Variants in ADA2 observed in about 807,000 individuals in gnomAD.
ADA2 encodes adenosine deaminase 2.
In ADA2, 29 loss-of-function variants were observed where a neutral mutation model predicts 44.2. That is an observed-to-expected ratio of 0.66 (90% CI 0.49 to 0.89). The LOEUF is 0.89. Among genes scored for constraint, ADA2 ranks in the 40% least tolerant of loss-of-function variants. The pLI, the probability that ADA2 is intolerant of heterozygous loss-of-function variation, is 0.00. For synonymous variants in ADA2, 215 were observed against 234.9 expected (o/e 0.92, Z 0.77); for missense variants, 637 against 644.8 (o/e 0.99, Z 0.13).
chr22:17,211,545 T>C (rs2062418201), intron 1 of ADA2, among the ~76,000 whole-genome samples: 1 of 149,402 alleles, frequency 6.7e-6, no homozygotes, highest in Admixed American at 6.7e-5. Flanking sequence ...AGGTGGGAAG[T>C]TCACCTGAGC....
In ADA2 at chr22:17,181,814, A is replaced by G. The variant is rs369050563; in HGVS notation, c.1442+6T>C. ...CGGGGGACCTGGGAGGACACAGGAC[A>G]CTCACTTGATAGAGTTCATGGCCAG... On this transcript the variant is annotated splice_donor_region_variant and intron_variant, in intron 9 of 9. Coordinates refer to ENST00000399837, the MANE Select transcript of ADA2 (RefSeq NM_001282225.2). The G allele has an allele frequency of 7.3e-5, 117 of 1,611,678 alleles. No homozygotes were observed. Among genetic ancestry groups the G allele is most frequent in the Non-Finnish European group, 5.3e-5 (63 of 1,178,778 alleles).
intron 1 of ADA2, 68 bp from the exon 2 acceptor site, chr22:17,209,791 G>A (rs867797046): frequency 1.0e-5 from 8 of 802,464 alleles, no homozygotes; most frequent in Admixed American, 2.8e-5. Context: ...TCCTTTTCTC[G>A]CCCTGCTCTC....
chr22:17,202,976 A>G (rs2062308885), intron 4 of ADA2, among the ~76,000 whole-genome samples: 1 of 151,612 alleles, frequency 6.6e-6, no homozygotes. Context: ...GTGTTTCACC[A>G]TATTGGCCAG....
chr22:17,212,008 T>A (rs1568990437), intron 1 of ADA2, among the ~76,000 whole-genome samples: 1 of 151,712 alleles, frequency 6.6e-6, no homozygotes, highest in East Asian at 1.9e-4. Context: ...ACAACCTATT[T>A]TTTTCTTTTC....
At chr22:17,192,336 G>C (rs976538574) in intron 4 of ADA2, among the ~76,000 whole-genome samples, 2 of 152,128 alleles carry the variant, frequency 1.3e-5, no homozygotes, top group South Asian at 4.1e-4. Flanking sequence ...AGCAGGTCAC[G>C]GGGGGAGAGG....
Position 17,187,901 on chromosome 22 carries a change from A to G in ADA2, c.1081+438T>C, listed in dbSNP as rs181863707. Reference sequence around the variant, plus strand: ...GGGCAGATCATGAGGTCAGGAGATCAAGACCATCCTGGCTAACACGGTGAA... The same window carrying G: ...GGGCAGATCATGAGGTCAGGAGATCGAGACCATCCTGGCTAACACGGTGAA... On this transcript the variant is annotated intron_variant, in intron 7 of 9. Transcript: ENST00000399837. Among the ~76,000 whole-genome samples the G allele has an allele frequency of 3.0e-3, 455 of 151,626 alleles. 1 individual carries two copies. Among genetic ancestry groups the G allele is most frequent in the Non-Finnish European group, 5.3e-3 (359 of 67,836 alleles).
chr22:17,178,933 C>T lies in ADA2; in HGVS notation c.*2550G>A, dbSNP rs937579687. ...AGGGATTGGGTAAGGCACTGAATCA[C>T]CTGCAGAGTTAGACAGGACCCTAGA... On this transcript the variant is annotated 3_prime_UTR_variant, in exon 10 of 10. Transcript: ENST00000399837. 2 of 152,102 alleles carry T rather than the reference C, an allele frequency of 1.3e-5. No individual in the cohort carries two copies. Among genetic ancestry groups the T allele is most frequent in the Non-Finnish European group, 2.9e-5 (2 of 68,064 alleles). 9.4% of individuals were successfully genotyped at this position (152,102 alleles called of 1,614,324 possible). A position where few individuals can be genotyped will look rare whatever the true frequency, so the allele number is the denominator to read the frequency against.
intron 1 of ADA2, among the ~76,000 whole-genome samples, chr22:17,216,118 C>T (rs865939958): frequency 6.6e-6 from 1 of 151,960 alleles, no homozygotes; most frequent in Non-Finnish European, 1.5e-5. Flanking sequence ...ACCTGAGAGG[C>T]GGAGGTTGCA....
At chr22:17,205,448 G>C (rs2123704931) in intron 3 of ADA2, among the ~76,000 whole-genome samples, 1 of 152,248 alleles carries the variant, frequency 6.6e-6, no homozygotes, top group African/African-American at 2.4e-5. Context: ...AAGCTCCCCA[G>C]CCTGTGGTAT....
At position 17,178,838 on chromosome 22, in the gene ADA2, C is replaced by T. The variant is rs538568345; in HGVS notation, c.*2645G>A. Reference sequence around the variant, plus strand: ...TGCCAAATCAGAGATCACAGCAAGTCCAGGCCAGAGGCTGTTTGCGTCTGC... The same window carrying T: ...TGCCAAATCAGAGATCACAGCAAGTTCAGGCCAGAGGCTGTTTGCGTCTGC... On this transcript the variant is annotated 3_prime_UTR_variant, in exon 10 of 10. Transcript: ENST00000399837. 6.6e-6 allele frequency: 1 copy of T among 151,994 alleles called. No homozygotes were observed. Among genetic ancestry groups the T allele is most frequent in the East Asian group, 1.9e-4 (1 of 5,176 alleles). 9.4% of individuals were successfully genotyped at this position (151,994 alleles called of 1,614,324 possible). A position where few individuals can be genotyped will look rare whatever the true frequency, so the allele number is the denominator to read the frequency against.
chr22:17,203,399 C>G (rs2062314121), intron 4 of ADA2, among the ~76,000 whole-genome samples, 164 bp downstream of exon 4: 1 of 152,108 alleles, frequency 6.6e-6, no homozygotes, highest in African/African-American at 2.4e-5. Flanking sequence ...CTGCCCAGTC[C>G]ATTTCAGGTT....
chr22:17,191,291 TCACACACAACCA>T (rs1427155993), intron 5 of ADA2, among the ~76,000 whole-genome samples: 1 of 152,160 alleles, frequency 6.6e-6, no homozygotes, highest in Non-Finnish European at 1.5e-5. Flanking sequence ...GATCAAGGAC[TCACACACAACCA>T]CACACAGAAC....
intron 4 of ADA2, among the ~76,000 whole-genome samples, chr22:17,201,165 T>A (rs1255037584): frequency 8.0e-5 from 12 of 149,800 alleles, no homozygotes; most frequent in Non-Finnish European, 1.8e-4. Context: ...GGCAAGATCA[T>A]ACCACTACAC....
intron 4 of ADA2, among the ~76,000 whole-genome samples, chr22:17,194,441 C>A (rs1334599851): frequency 1.3e-5 from 2 of 152,168 alleles, no homozygotes; most frequent in Non-Finnish European, 2.9e-5. Flanking sequence ...TCCCTCAGAT[C>A]CCCGCATTCC....
At chr22:17,199,450 C>CCCCACCTCTATCCTCTTCCCCTCCAA in intron 4 of ADA2, 1 of 462,232 alleles carries the variant, frequency 2.2e-6, no homozygotes. Context: ...TTCCCCTCCA[C>CCCCACCTCTATCCTCTTCCCCTCCAA]CCACGAAGAT....
chr22:17,191,939 T>G (rs1334135375), intron 4 of ADA2, 129 bp from the exon 5 acceptor site: 9 of 851,418 alleles, frequency 1.1e-5, no homozygotes, highest in African/African-American at 1.0e-4. Context: ...AGCCACCCCT[T>G]CCCAGCCACC....
intron 3 of ADA2, among the ~76,000 whole-genome samples, chr22:17,205,781 C>T (rs761509396): frequency 6.6e-6 from 1 of 152,120 alleles, no homozygotes; most frequent in Non-Finnish European, 1.5e-5. Context: ...GAGTTCAAGA[C>T]CAGCCTGGGC....
intron 4 of ADA2, among the ~76,000 whole-genome samples, chr22:17,201,143 A>T: frequency 6.6e-6 from 1 of 151,676 alleles, no homozygotes; most frequent in East Asian, 1.9e-4. Flanking sequence ...TGGGAGGTGG[A>T]GGTTGCAGTG....
Position 17,209,445 on chromosome 22 carries a change from A to G in ADA2, c.233T>C (p.Leu78Pro). ...IAEMKEAMRT[L>P]IFPPSMHFFQ... ...AAAGTGCATGCTGGGTGGGAATATC[A>G]GGGTCCTCATGGCCTCCTTCATCTC... Residue 78 changes from leucine to proline, a missense_variant, in exon 2 of 10, where the codon CTG becomes CCG. Transcript: ENST00000399837. The G allele has an allele frequency of 6.2e-7, 1 of 1,614,146 alleles. No homozygotes were observed. The highest frequency in any genetic ancestry group is 8.5e-7 in the Non-Finnish European group (1 of 1,180,026).
Sources: gnomAD v4.1 joint callset for allele counts (sites outside exome capture counted in the v4.1 genomes callset) on GRCh38, gnomAD v4.1.1 for gene constraint, MANE v1.5 for transcripts, NCBI Gene and HGNC (gene_info 2026-07-23, HGNC 2026-07-21) for gene names.